The following ACAD9 variants were observed in gnomAD, a reference collection of about 807,000 sequenced individuals.
The protein encoded by ACAD9 is complex I assembly factor ACAD9, mitochondrial.
Under a neutral mutation model 70.2 loss-of-function variants are expected in ACAD9, and 53 were observed. The observed-to-expected ratio is 0.75, with a 90% CI of 0.61 to 0.95. The LOEUF (loss-of-function observed/expected upper bound fraction) is 0.95. Ranked by LOEUF, ACAD9 falls within the 40% of genes least tolerant of loss-of-function variation. ACAD9 has a pLI of 0.00. For missense variants in ACAD9, 777 were observed against 802.8 expected (o/e 0.97, Z 0.39); for synonymous variants, 313 against 312.1 (o/e 1.00, Z -0.03).
At chr3:128,911,500 T>G (rs960927399) in intron 17 of ACAD9, among the ~76,000 whole-genome samples, 1 of 151,748 alleles carries the variant, frequency 6.6e-6, no homozygotes, top group Non-Finnish European at 1.5e-5. Flanking sequence ...TGCAGTGGCA[T>G]GATCTTGGCT....
At chr3:128,909,919 G>A (rs1936076933) in intron 15 of ACAD9, 102 bp from the exon 16 acceptor site, 3 of 1,523,586 alleles carry the variant, frequency 2.0e-6, no homozygotes, top group Non-Finnish European at 2.7e-6. Flanking sequence ...CTTTCTCAAG[G>A]AACACAGGAG....
chr3:128,899,953 A>G (rs1469381751), intron 7 of ACAD9, among the ~76,000 whole-genome samples: 1 of 152,176 alleles, frequency 6.6e-6, no homozygotes, highest in East Asian at 1.9e-4. Flanking sequence ...GCCGTGGGAG[A>G]CATAGTCTCC....
Position 128,879,721 on chromosome 3 carries a change from C to T in ACAD9, c.30C>T (p.Thr10=), listed in dbSNP as rs371199008. The change falls in exon 1 of 18, where the codon ACC becomes ACT. Residue 10 remains threonine, a synonymous_variant. Coordinates refer to ENST00000308982, the MANE Select transcript of ACAD9 (RefSeq NM_014049.5). MSGCGLFLR[T]TAAARACRGL... ...GCGGCTGCGGGCTCTTCCTGCGCAC[C>T]ACGGCTGCGGCTCGTGCCTGCCGGG... is the stretch of plus-strand genomic sequence containing the variant. 111 of 1,612,958 alleles carry T rather than the reference C, an allele frequency of 6.9e-5. No homozygotes were observed. The highest frequency in any genetic ancestry group is 5.3e-4 in the Middle Eastern group (3 of 5,646).
chr3:128,893,043 A>G (rs1007710372), intron 2 of ACAD9, among the ~76,000 whole-genome samples: 1 of 152,130 alleles, frequency 6.6e-6, no homozygotes, highest in African/African-American at 2.4e-5. Flanking sequence ...TAGCTCTGGC[A>G]GCTTTTAACA....
Position 128,902,473 on chromosome 3 carries a change from A to G in ACAD9, c.883-80A>G. 2 of 1,421,200 alleles carry G rather than the reference A, an allele frequency of 1.4e-6. No individual in the cohort carries two copies. The highest frequency in any genetic ancestry group is 2.0e-6 in the Non-Finnish European group (2 of 1,004,642). 88.0% of individuals were successfully genotyped at this position (1,421,200 alleles called of 1,614,324 possible). ...TCCCAGCTTGAGGGAAGGCAAGCTGATCCACCTGGCCTGGTTTCGTTGCGG... is the reference window on the plus strand; with the variant it reads ...TCCCAGCTTGAGGGAAGGCAAGCTGGTCCACCTGGCCTGGTTTCGTTGCGG... On this transcript the variant is annotated intron_variant, in intron 8 of 17. Transcript: ENST00000308982. The surrounding 1 kb of genome is among the most constrained non-coding windows in gnomAD (Gnocchi z 4.0).
intron 1 of ACAD9, among the ~76,000 whole-genome samples, chr3:128,883,645 C>T (rs916959753): frequency 3.9e-5 from 6 of 152,014 alleles, no homozygotes; most frequent in Admixed American, 1.3e-4. Flanking sequence ...CGTGAGCCAC[C>T]GTGCCTGGCC....
intron 2 of ACAD9, among the ~76,000 whole-genome samples, chr3:128,892,420 T>A (rs1015797792): frequency 3.3e-5 from 5 of 152,196 alleles, no homozygotes; most frequent in Admixed American, 1.3e-4. Context: ...ATAATACTGA[T>A]GAAGTTTAAT....
chr3:128,907,876 C>G (rs1935939296), intron 12 of ACAD9, among the ~76,000 whole-genome samples: 1 of 152,244 alleles, frequency 6.6e-6, no homozygotes, highest in Non-Finnish European at 1.5e-5. Flanking sequence ...GCACCCCTCA[C>G]CACCCGGGGA....
At position 128,904,507 on chromosome 3, in the gene ACAD9, T is replaced by C; in HGVS notation, c.1149+2T>C. On this transcript the variant is annotated splice_donor_variant, in intron 11 of 17. Coordinates refer to ENST00000308982, the MANE Select transcript of ACAD9 (RefSeq NM_014049.5). LOFTEE classifies it high-confidence loss of function. Reference sequence around the variant, plus strand: ...TCCATCGAGGCAGCCATGGTGAAGGTAACCCTGGCATAGCCAGAGAGCTGG... The same window carrying C: ...TCCATCGAGGCAGCCATGGTGAAGGCAACCCTGGCATAGCCAGAGAGCTGG... 6.2e-7 allele frequency: 1 copy of C among 1,613,720 alleles called. No individual in the cohort carries two copies. The highest frequency in any genetic ancestry group is 1.1e-5 in the South Asian group (1 of 91,076).
At chr3:128,880,450 C>T (rs1935055262) in intron 1 of ACAD9, among the ~76,000 whole-genome samples, 1 of 152,078 alleles carries the variant, frequency 6.6e-6, no homozygotes, top group African/African-American at 2.4e-5. Context: ...GCGCTCTTGT[C>T]GCCCAGGCTG....
chr3:128,898,281 G>A (rs1935624402), intron 6 of ACAD9: 2 of 360,260 alleles, frequency 5.6e-6, no homozygotes, highest in South Asian at 2.1e-5. Context: ...CAGCAGCATC[G>A]CCACCTCCAG....
chr3:128,895,485 C>A, intron 4 of ACAD9, 69 bp downstream of exon 4: 1 of 1,420,248 alleles, frequency 7.0e-7, no homozygotes, highest in African/African-American at 1.4e-5. Context: ...GGCATAGAGG[C>A]CAGAGGCTTG....
chr3:128,885,823 C>T (rs888760832), intron 2 of ACAD9, among the ~76,000 whole-genome samples: 3 of 152,212 alleles, frequency 2.0e-5, no homozygotes, highest in Middle Eastern at 3.4e-3. Context: ...TCAAGACCAG[C>T]GTAGCCAACA....
At position 128,909,089 on chromosome 3, in the gene ACAD9, C is replaced by G. The variant is rs536401513; in HGVS notation, c.1475C>G (p.Pro492Arg). ...ACAGGCAACCATGGAGTTGTGCACC[C>G]CAGTCTTGCGGTGAGTGGGCCTAAC... ...GLTGNHGVVH[P>R]SLADSANKFE... The change falls in exon 14 of 18, where the codon CCC (proline) becomes CGC (arginine). Residue 492 changes from proline to arginine, a missense_variant. Transcript: ENST00000308982. The G allele has an allele frequency of 3.1e-6, 5 of 1,614,022 alleles. No homozygotes were observed. The African/African-American group carries it at 6.7e-5, about 22-fold the overall frequency.
At position 128,895,357 on chromosome 3, in the gene ACAD9, A is replaced by G; in HGVS notation, c.394A>G (p.Ile132Val). The change falls in exon 4 of 18, where the codon ATC becomes GTC. Residue 132 changes from isoleucine (I) to valine (V), a missense_variant. Coordinates refer to ENST00000308982, the MANE Select transcript of ACAD9 (RefSeq NM_014049.5). ...NTMYSRLGEI[I>V]SMDGSITVTL... ...CATGTACTCAAGACTAGGGGAGATCATCAGCATGGATGGGTCCATCACTGT... is the reference window on the plus strand; with the variant it reads ...CATGTACTCAAGACTAGGGGAGATCGTCAGCATGGATGGGTCCATCACTGT... The G allele has an allele frequency of 6.2e-7, 1 of 1,613,094 alleles. No individual in the cohort carries two copies. Among genetic ancestry groups the G allele is most frequent in the Non-Finnish European group, 8.5e-7 (1 of 1,179,576 alleles).
At chr3:128,905,840 C>T (rs1310075519) in intron 11 of ACAD9, among the ~76,000 whole-genome samples, 5 of 152,134 alleles carry the variant, frequency 3.3e-5, no homozygotes, top group East Asian at 3.9e-4. Context: ...CAGGTTTTCT[C>T]GGGAAGGGGA....
chr3:128,900,459 C>G (rs761533307), intron 7 of ACAD9, among the ~76,000 whole-genome samples: 1 of 151,636 alleles, frequency 6.6e-6, no homozygotes, highest in African/African-American at 2.4e-5. Flanking sequence ...AGGATGGCCT[C>G]GATCTCCTGA....
intron 1 of ACAD9, among the ~76,000 whole-genome samples, chr3:128,883,879 A>G (rs1008793784): frequency 6.6e-6 from 1 of 152,112 alleles, no homozygotes; most frequent in Non-Finnish European, 1.5e-5. Flanking sequence ...TCTCCCCAAG[A>G]CTTCTCTAGA....
intron 1 of ACAD9, 170 bp downstream of exon 1, chr3:128,880,011 A>C: frequency 6.5e-7 from 1 of 1,546,808 alleles, no homozygotes; most frequent in Non-Finnish European, 8.7e-7. Flanking sequence ...ACCTTCCCAG[A>C]GAAAGGGTGA....
Sources: allele counts gnomAD v4.1 joint callset (sites outside exome capture counted in the v4.1 genomes callset), GRCh38; gene constraint gnomAD v4.1.1; non-coding constraint Gnocchi (gnomAD v3.1); transcripts MANE v1.5; gene names NCBI Gene and HGNC (gene_info 2026-07-23, HGNC 2026-07-21).